The following CDCA5 variants were observed in gnomAD, a reference collection of about 807,000 sequenced individuals.
CDCA5 encodes the protein cell division cycle associated 5.
Under a neutral mutation model 25.7 loss-of-function variants are expected in CDCA5, and 14 were observed. The ratio of observed to expected loss-of-function variants is 0.54; its 90% CI spans 0.36 to 0.85. The LOEUF is 0.85. Ranked by LOEUF, CDCA5 falls within the 40% of genes least tolerant of loss-of-function variation. CDCA5 has a pLI of 0.01. For missense variants in CDCA5, 307 were observed against 324.5 expected, an observed-to-expected ratio of 0.95 and a Z score of 0.41; for synonymous variants, 127 against 128.7, an observed-to-expected ratio of 0.99 and a Z score of 0.09.
At chr11:65,066,330 G>T, downstream of CDCA5, 1 of 1,171,210 alleles carries the variant, frequency 8.5e-7, no homozygotes, top group Non-Finnish European at 1.1e-6. Context: ...TGGGATCTAG[G>T]GAGGAGCTGG....
At chr11:65,075,441 A>C (rs1947425401), downstream of CDCA5, among the ~76,000 whole-genome samples, 1 of 151,512 alleles carries the variant, frequency 6.6e-6, no homozygotes, top group African/African-American at 2.4e-5. Context: ...ACAGGATCAT[A>C]TTGTGTGTTT....
downstream of CDCA5, among the ~76,000 whole-genome samples, chr11:65,061,491 T>C (rs1446926316): frequency 6.6e-6 from 1 of 151,990 alleles, no homozygotes; most frequent in Admixed American, 6.6e-5. Flanking sequence ...CCGAGCAAAA[T>C]AGGCCAGGCG....
downstream of CDCA5, among the ~76,000 whole-genome samples, chr11:65,074,147 A>C (rs1191848645): frequency 6.6e-6 from 1 of 152,174 alleles, no homozygotes; most frequent in Non-Finnish European, 1.5e-5. Context: ...ATATCGGCTC[A>C]CTGCAACTTC....
intron 4 of CDCA5, among the ~76,000 whole-genome samples, chr11:65,081,227 C>T (rs1456081846): frequency 6.6e-6 from 1 of 152,078 alleles, no homozygotes; most frequent in African/African-American, 2.4e-5. Context: ...GAGTTTGAGA[C>T]CAGCCTGGCC....
chr11:65,082,398 T>G (rs1947587109), intron 4 of CDCA5, among the ~76,000 whole-genome samples: 2 of 152,108 alleles, frequency 1.3e-5, no homozygotes, highest in Admixed American at 6.6e-5. Context: ...AACCTTGATT[T>G]TTCTTTAAAT....
At chr11:65,066,177 G>T, downstream of CDCA5, 1 of 275,290 alleles carries the variant, frequency 3.6e-6, no homozygotes, top group Non-Finnish European at 6.6e-6. Flanking sequence ...ATGCAGAATG[G>T]GTGAGCTGAG....
chr11:65,061,368 TCC>T (rs1947184533), downstream of CDCA5, among the ~76,000 whole-genome samples: 1 of 151,846 alleles, frequency 6.6e-6, no homozygotes, highest in African/African-American at 2.4e-5. Context: ...CTCACGAGAG[TCC>T]CTCAGCCAGT....
chr11:65,079,168 C>G lies in CDCA5; in HGVS notation c.698G>C (p.Trp233Ser), dbSNP rs760297100. ...AAACTCGGCATTCATGGCCGCAGCCCACTCATCCAGCTCCGTTTTCTGAGG... is the reference window on the plus strand; with the variant it reads ...AAACTCGGCATTCATGGCCGCAGCCGACTCATCCAGCTCCGTTTTCTGAGG... ...PEILKTELDE[W>S]AAAMNAEFEA... The change falls in exon 6 of 6, where the codon TGG (tryptophan) becomes TCG (serine). Residue 233 changes from tryptophan to serine, a missense_variant. Trp to Ser is a radical substitution (Grantham distance 177). Transcript: ENST00000275517. 2 of 1,522,258 alleles carry G rather than the reference C, an allele frequency of 1.3e-6. No individual in the cohort carries two copies. Among genetic ancestry groups the G allele is most frequent in the East Asian group, 4.5e-5 (2 of 44,096 alleles). 94.3% of individuals were successfully genotyped at this position (1,522,258 alleles called of 1,614,324 possible). A position where few individuals can be genotyped will look rare whatever the true frequency, so the allele number is the denominator to read the frequency against.
At chr11:65,077,003 A>C (rs1333057405), downstream of CDCA5, among the ~76,000 whole-genome samples, 2 of 152,142 alleles carry the variant, frequency 1.3e-5, no homozygotes, top group Admixed American at 6.5e-5. Flanking sequence ...ACGGGGCAGG[A>C]CAGGCCAGGC....
At position 65,079,455 on chromosome 11, in the gene CDCA5, G is replaced by A; in HGVS notation, c.576C>T (p.Pro192=). ...PVVCSKLTEV[P]RVCAKPWAPD... ...GGGCCCAGGGCTTTGCACAAACCCTGGGGACCTCGGTGAGTTTGGAGCACA... is the reference window on the plus strand; with the variant it reads ...GGGCCCAGGGCTTTGCACAAACCCTAGGGACCTCGGTGAGTTTGGAGCACA... Residue 192 remains proline (P), a synonymous_variant, in exon 5 of 6, where the codon CCC becomes CCT. Coordinates refer to ENST00000275517, the MANE Select transcript of CDCA5 (RefSeq NM_080668.4). The A allele has an allele frequency of 6.2e-7, 1 of 1,614,104 alleles. No individual in the cohort carries two copies. The highest frequency in any genetic ancestry group is 1.3e-5 in the African/African-American group (1 of 75,008).
At chr11:65,073,700 A>C (rs1947385718), downstream of CDCA5, among the ~76,000 whole-genome samples, 1 of 152,140 alleles carries the variant, frequency 6.6e-6, no homozygotes, top group Non-Finnish European at 1.5e-5. Flanking sequence ...AACAGGAAAC[A>C]ATGTTGGCTG....
At chr11:65,064,999 TG>T (rs1373989528), downstream of CDCA5, among the ~76,000 whole-genome samples, 1 of 152,142 alleles carries the variant, frequency 6.6e-6, no homozygotes, top group Non-Finnish European at 1.5e-5. Flanking sequence ...AGGAGTCTGG[TG>T]TAAGTCAAAC....
In CDCA5 at chr11:65,078,738, T is replaced by A; in HGVS notation, c.*369A>T. The A allele has an allele frequency of 9.7e-7, 1 of 1,026,856 alleles. No individual in the cohort carries two copies. The highest frequency in any genetic ancestry group is 1.2e-6 in the Non-Finnish European group (1 of 857,754). 63.6% of individuals were successfully genotyped at this position (1,026,856 alleles called of 1,614,324 possible). A position where few individuals can be genotyped will look rare whatever the true frequency, so the allele number is the denominator to read the frequency against. On this transcript the variant is annotated 3_prime_UTR_variant, in exon 6 of 6. Coordinates refer to ENST00000275517, the MANE Select transcript of CDCA5 (RefSeq NM_080668.4). ...GGGCCTATTTCCAAGCAGCCACCCC[T>A]CCCAACAAGAGCAGAGGTGCCTCTC...
Position 65,066,642 on chromosome 11 carries a change from TG to T in CDCA5, c.472del (p.Gln158ArgfsTer14). 1 of 1,289,400 alleles carries T rather than the reference TG, an allele frequency of 7.8e-7. No individual in the cohort carries two copies. 79.9% of individuals were successfully genotyped at this position (1,289,400 alleles called of 1,614,324 possible). A position where few individuals can be genotyped will look rare whatever the true frequency, so the allele number is the denominator to read the frequency against. On this transcript the variant is annotated frameshift_variant, in exon 6 of 7. Transcript: ENST00000525464. LOFTEE classifies it high-confidence loss of function. ...GGCCTGGGCCTCCTCCTGGATGGCC[TG>T]GGCTCCCTCCTTCAGGCTCTTATAC...
At position 65,066,875 on chromosome 11, in the gene CDCA5, G is replaced by C. The variant is rs915829444; in HGVS notation, c.373C>G (p.Arg125Gly). The C allele has an allele frequency of 3.9e-6, 5 of 1,289,112 alleles. No individual in the cohort carries two copies. The African/African-American group carries it at 4.6e-5, about 12-fold the overall frequency. The allele number at this position is 1,289,112 out of a possible 1,614,324, so 79.9% of individuals were successfully genotyped here. ...ACTTGGGTGGTGTTCAGTGACTCCCGAAGCCTAGGGTTGAAAAACAGACCC... is the reference window on the plus strand; with the variant it reads ...ACTTGGGTGGTGTTCAGTGACTCCCCAAGCCTAGGGTTGAAAAACAGACCC... Residue 125 changes from arginine to glycine, a missense_variant, in exon 5 of 7, where the codon CGG becomes GGG. Coordinates refer to the CDCA5 transcript ENST00000525464.
chr11:65,062,369 A>C (rs1947194102), downstream of CDCA5, among the ~76,000 whole-genome samples: 1 of 152,150 alleles, frequency 6.6e-6, no homozygotes, highest in Non-Finnish European at 1.5e-5. Flanking sequence ...TTACACTCAG[A>C]GTAACAGTCA....
rs996783511 is a variant in CDCA5, at chr11:65,078,910, G to A, written c.*197C>T. The A allele has an allele frequency of 3.7e-5, 47 of 1,256,188 alleles. 2 individuals carry two copies. In the Admixed American group the frequency reaches 1.2e-3, roughly 33 times the overall value. 77.8% of individuals were successfully genotyped at this position (1,256,188 alleles called of 1,614,324 possible). A position where few individuals can be genotyped will look rare whatever the true frequency, so the allele number is the denominator to read the frequency against. On this transcript the variant is annotated 3_prime_UTR_variant, in exon 6 of 6. Coordinates refer to ENST00000275517, the MANE Select transcript of CDCA5 (RefSeq NM_080668.4). ...AGGACACCAGTGAGTGGCTGGGCCA[G>A]GCGGCCCCATTTCCTAAAACCAAGA...
chr11:65,076,126 G>T (rs531645146), downstream of CDCA5, among the ~76,000 whole-genome samples: 17 of 152,244 alleles, frequency 1.1e-4, no homozygotes, highest in East Asian at 2.5e-3. Context: ...TGTCTTTTTT[G>T]TCTTTTGAAA....
chr11:65,076,098 T>G (rs562312361), downstream of CDCA5, among the ~76,000 whole-genome samples: 1 of 152,286 alleles, frequency 6.6e-6, no homozygotes, highest in South Asian at 2.1e-4. Context: ...TAACGACAGA[T>G]GCTGGTCGAC....
Sources: gnomAD v4.1 joint callset for allele counts (sites outside exome capture counted in the v4.1 genomes callset) on GRCh38, gnomAD v4.1.1 for gene constraint, MANE v1.5 for transcripts, NCBI Gene and HGNC (gene_info 2026-07-23, HGNC 2026-07-21) for gene names.